KMT2C: variants seen among roughly 807,000 people sequenced by gnomAD.
KMT2C encodes the protein histone-lysine N-methyltransferase 2C.
In KMT2C, 88 loss-of-function variants were observed where a neutral mutation model predicts 507.9. The ratio of observed to expected loss-of-function variants is 0.17; its 90% CI spans 0.15 to 0.21. The LOEUF (loss-of-function observed/expected upper bound fraction) is 0.21, where lower values mean the gene tolerates loss of function less well. Ranked by LOEUF, KMT2C falls within the 10% of genes least tolerant of loss-of-function variation. KMT2C has a pLI of 1.00. For missense variants in KMT2C, 4,954 were observed against 5,957.8 expected (o/e 0.83, Z 5.55); for synonymous variants, 2,049 against 2,080.8 (o/e 0.98, Z 0.42).
chr7:152,160,900 C>T (rs904627271), intron 43 of KMT2C, among the ~76,000 whole-genome samples: 1 of 151,996 alleles, frequency 6.6e-6, no homozygotes, highest in African/African-American at 2.4e-5. Context: ...AGCATCAACA[C>T]ATATTTGAGA....
chr7:152,292,971 A>C (rs1189759819), intron 6 of KMT2C, among the ~76,000 whole-genome samples: 1 of 152,186 alleles, frequency 6.6e-6, no homozygotes, highest in Non-Finnish European at 1.5e-5. Context: ...AACATTTTAT[A>C]CAGCTTTTCT....
At chr7:152,432,752 A>G (rs182711564) in intron 1 of KMT2C, among the ~76,000 whole-genome samples, 1 of 152,360 alleles carries the variant, frequency 6.6e-6, no homozygotes, top group East Asian at 1.9e-4. Context: ...AAAATGCTTT[A>G]TTTACCTAAT....
Position 152,177,589 on chromosome 7 carries a change from G to A in KMT2C, c.7864C>T (p.His2622Tyr), listed in dbSNP as rs1416721225. The change falls in exon 38 of 59, where the codon CAC becomes TAC. Residue 2622 changes from histidine to tyrosine, a missense_variant. This residue lies in a region of KMT2C where 1,689 missense variants were observed against 1,654.3 expected (regional missense o/e 1.02). Coordinates refer to ENST00000262189, the MANE Select transcript of KMT2C (RefSeq NM_170606.3). ...GGTGGCACTTGTTCCAAATCTGGGT[G>A]CACAGGTAGCTGATTAGGTAGACCC... ...PQGLPNQLPV[H>Y]PDLEQVPPSQ... 1.9e-6 allele frequency: 3 copies of A among 1,614,064 alleles called. No homozygotes were observed. The highest frequency in any genetic ancestry group is 1.3e-5 in the African/African-American group (1 of 74,914).
chr7:152,409,474 T>C (rs2097658232), intron 1 of KMT2C, among the ~76,000 whole-genome samples: 1 of 151,772 alleles, frequency 6.6e-6, no homozygotes, highest in South Asian at 2.1e-4. Flanking sequence ...TCCCAGCATT[T>C]TGGGAGGCCG....
chr7:152,178,601 G>C (rs2093315027), intron 37 of KMT2C, among the ~76,000 whole-genome samples: 1 of 152,034 alleles, frequency 6.6e-6, no homozygotes, highest in Middle Eastern at 3.4e-3. Context: ...CAGGATTACA[G>C]GCAACTTACA....
At position 152,139,277 on chromosome 7, in the gene KMT2C, CAGTA is replaced by C. The variant is rs1177291968; in HGVS notation, c.14461-22_14461-19del. The C allele has an allele frequency of 6.2e-7, 1 of 1,611,276 alleles. No homozygotes were observed. Among genetic ancestry groups the C allele is most frequent in the South Asian group, 1.1e-5 (1 of 91,056 alleles). On this transcript the variant is annotated intron_variant, in intron 56 of 58. Coordinates refer to ENST00000262189, the MANE Select transcript of KMT2C (RefSeq NM_170606.3). The stretch of plus-strand genomic sequence containing the variant: ...CCACGGTTCTGAGGGAAAAGTCAGT[CAGTA>C]AGTCATCAATGTCGACCTGAAACTC...
At chr7:152,183,651 C>T (rs1386080488) in intron 34 of KMT2C, among the ~76,000 whole-genome samples, 2 of 152,128 alleles carry the variant, frequency 1.3e-5, no homozygotes, top group Non-Finnish European at 2.9e-5. Flanking sequence ...AATCCCAGTA[C>T]TTTGGGAGGC....
At chr7:152,158,479 A>G (rs1232702309) in intron 44 of KMT2C, among the ~76,000 whole-genome samples, 1 of 151,286 alleles carries the variant, frequency 6.6e-6, no homozygotes, top group Admixed American at 6.6e-5. Context: ...GATGTCTTTT[A>G]GCATTTGATC....
chr7:152,178,048 T>C (rs756941627), intron 37 of KMT2C, 38 bp from the exon 38 acceptor site: 2 of 1,138,652 alleles, frequency 1.8e-6, no homozygotes, highest in Non-Finnish European at 2.2e-6. Flanking sequence ...AAAAAGCAAA[T>C]AGGTATTATG....
In KMT2C at chr7:152,155,978, C is replaced by T. The variant is rs779640995; in HGVS notation, c.11892G>A (p.Gln3964=). 37 of 1,610,996 alleles carry T rather than the reference C, an allele frequency of 2.3e-5. 1 individual carries two copies. The South Asian group carries it at 4.1e-4, about 18-fold the overall frequency. The change falls in exon 46 of 59, where the codon CAG becomes CAA. Residue 3964 remains glutamine (Q), a synonymous_variant. Transcript: ENST00000262189. ...QDDLLARALA[Q]GPKTVDVPAS... Reference sequence around the variant, plus strand: ...CTGGCACATCAACTGTCTTGGGGCCCTGAGCAAGAGCTCGGGCCAACAAGT... The same window carrying T: ...CTGGCACATCAACTGTCTTGGGGCCTTGAGCAAGAGCTCGGGCCAACAAGT...
At chr7:152,283,727 T>TC (rs1244118957) in intron 6 of KMT2C, among the ~76,000 whole-genome samples, 1 of 152,110 alleles carries the variant, frequency 6.6e-6, no homozygotes, top group African/African-American at 2.4e-5. Flanking sequence ...TTTCCACTTT[T>TC]CTTAAAAAAG....
rs2097171010 is a variant in KMT2C, at chr7:152,358,571, T to C, written c.250+16A>G. Reference sequence around the variant, plus strand: ...AGCATCATTATACATTCTTATAAATTCTTGAGTTCTGATACCTGTTTCCAC... The same window carrying C: ...AGCATCATTATACATTCTTATAAATCCTTGAGTTCTGATACCTGTTTCCAC... On this transcript the variant is annotated intron_variant, in intron 2 of 58. Transcript: ENST00000262189. 6.7e-7 allele frequency: 1 copy of C among 1,498,682 alleles called. No individual in the cohort carries two copies. Among genetic ancestry groups the C allele is most frequent in the Admixed American group, 1.7e-5 (1 of 59,306 alleles). 92.8% of individuals were successfully genotyped at this position (1,498,682 alleles called of 1,614,324 possible).
chr7:152,236,374 T>A (rs1225009743), intron 15 of KMT2C, among the ~76,000 whole-genome samples: 1 of 152,258 alleles, frequency 6.6e-6, no homozygotes, highest in African/African-American at 2.4e-5. Context: ...TGTACTAATC[T>A]AAGTATTTTT....
chr7:152,373,378 A>G (rs547162656), intron 1 of KMT2C, among the ~76,000 whole-genome samples: 11 of 152,232 alleles, frequency 7.2e-5, no homozygotes, highest in Non-Finnish European at 1.5e-4. Flanking sequence ...GAAAGAGTAG[A>G]TGGTTCTATA....
chr7:152,313,516 C>G (rs2096693526), intron 4 of KMT2C, among the ~76,000 whole-genome samples: 1 of 151,980 alleles, frequency 6.6e-6, no homozygotes, highest in African/African-American at 2.4e-5. Context: ...AGCTGAAATG[C>G]ATACCCACAA....
At chr7:152,372,110 T>A (rs2097297537) in intron 1 of KMT2C, among the ~76,000 whole-genome samples, 1 of 152,166 alleles carries the variant, frequency 6.6e-6, no homozygotes, top group South Asian at 2.1e-4. Context: ...TATCAATAAT[T>A]ATTTTAAATG....
intron 3 of KMT2C, among the ~76,000 whole-genome samples, chr7:152,328,108 T>C (rs927524980): frequency 6.6e-6 from 1 of 152,054 alleles, no homozygotes; most frequent in Non-Finnish European, 1.5e-5. Flanking sequence ...AAATGAACTG[T>C]TGGAAAATAA....
At chr7:152,199,995 T>C (rs181004152) in intron 26 of KMT2C, among the ~76,000 whole-genome samples, 1 of 152,308 alleles carries the variant, frequency 6.6e-6, no homozygotes, top group Non-Finnish European at 1.5e-5. Context: ...TTAACATTTT[T>C]CCATTTCAAT....
At chr7:152,331,705 A>G (rs1183065266) in intron 2 of KMT2C, among the ~76,000 whole-genome samples, 1 of 144,150 alleles carries the variant, frequency 6.9e-6, no homozygotes, top group African/African-American at 2.7e-5. Context: ...CTGGAATGCA[A>G]TGGCGCGATC....
Sources: gnomAD v4.1 joint callset for allele counts (sites outside exome capture counted in the v4.1 genomes callset) on GRCh38, gnomAD v4.1.1 for gene constraint, gnomAD v4.1.1 regional missense constraint, MANE v1.5 for transcripts, NCBI Gene and HGNC (gene_info 2026-07-23, HGNC 2026-07-21) for gene names.